The following FAM24B variants were observed in gnomAD, a reference collection of about 807,000 sequenced individuals.
FAM24B encodes protein FAM24B.
A neutral mutation model predicts 2.3 loss-of-function variants in FAM24B; 3 were observed. That is an observed-to-expected ratio of 1.29 (90% CI 0.59 to 3.32). The LOEUF is 3.32. Among genes scored for constraint, FAM24B ranks in the 30% most tolerant of loss-of-function variants. The pLI is 0.03. For synonymous variants in FAM24B, 36 were observed against 46.3 expected (o/e 0.78, Z 0.90); for missense variants, 98 against 117.2 (o/e 0.84, Z 0.76).
rs543316130 is a variant in FAM24B, at chr10:122,857,268, C to T, written c.-177-1482G>A. 4.6e-5 allele frequency among the ~76,000 whole-genome samples: 7 copies of T among 152,248 alleles called. No homozygotes were observed. In the East Asian group the frequency reaches 5.8e-4, roughly 13 times the overall value. The stretch of plus-strand genomic sequence containing the variant: ...CACAAGAGTGACATTCCATCATATT[C>T]GCTGGTCCAGCCTACCCTCTAGGGG... On this transcript the variant is annotated intron_variant, in intron 1 of 3. Coordinates refer to ENST00000368898, the MANE Select transcript of FAM24B (RefSeq NM_152644.3).
intron 2 of FAM24B, among the ~76,000 whole-genome samples, chr10:122,852,556 T>C (rs1847558898): frequency 3.3e-5 from 5 of 152,124 alleles, no homozygotes; most frequent in Admixed American, 3.3e-4. Flanking sequence ...CACTGCGAGA[T>C]AATAAAAGTC....
rs977884913 is a variant in FAM24B, at chr10:122,850,953, C to T, written c.-35-403G>A. ...TTTCAGAGTCAGAAATGACCCCCCA[C>T]TGGATATCAGGCTCAAAGCTCTTCT... On this transcript the variant is annotated intron_variant, in intron 2 of 3. Coordinates refer to ENST00000368898, the MANE Select transcript of FAM24B (RefSeq NM_152644.3). 2.0e-5 allele frequency among the ~76,000 whole-genome samples: 3 copies of T among 152,186 alleles called. No individual in the cohort carries two copies. In the East Asian group the frequency reaches 5.8e-4, roughly 29 times the overall value.
At chr10:122,875,377 T>C (rs1847961220) in intron 1 of FAM24B, among the ~76,000 whole-genome samples, 1 of 152,224 alleles carries the variant, frequency 6.6e-6, no homozygotes, top group Admixed American at 6.5e-5. Context: ...ATAGCTACCT[T>C]AAATTCCCTA....
intron 1 of FAM24B, among the ~76,000 whole-genome samples, chr10:122,859,673 T>G (rs1847697128): frequency 6.6e-6 from 1 of 152,128 alleles, no homozygotes; most frequent in Non-Finnish European, 1.5e-5. Context: ...CAGAGGCTTG[T>G]GTACAGGAGG....
At chr10:122,869,684 A>G (rs1566263633) in intron 1 of FAM24B, among the ~76,000 whole-genome samples, 1 of 152,198 alleles carries the variant, frequency 6.6e-6, no homozygotes. Flanking sequence ...CTGAATGACT[A>G]CTGGGTACAT....
chr10:122,871,467 C>A (rs933518250), intron 1 of FAM24B, among the ~76,000 whole-genome samples: 2 of 151,726 alleles, frequency 1.3e-5, no homozygotes, highest in African/African-American at 4.8e-5. Flanking sequence ...AAAAAAGAGC[C>A]CGCATCGCCA....
At chr10:122,853,133 T>C (rs1847571062) in intron 2 of FAM24B, among the ~76,000 whole-genome samples, 1 of 152,186 alleles carries the variant, frequency 6.6e-6, no homozygotes, top group Non-Finnish European at 1.5e-5. Context: ...GTTTTATATA[T>C]AATGTCCATG....
chr10:122,869,815 G>A (rs1443123812), intron 1 of FAM24B, among the ~76,000 whole-genome samples: 7 of 152,066 alleles, frequency 4.6e-5, no homozygotes, highest in Admixed American at 1.3e-4. Context: ...AGCACTAAAT[G>A]CCCACAAGAG....
At chr10:122,861,410 C>G (rs369028189) in intron 1 of FAM24B, among the ~76,000 whole-genome samples, 2 of 152,118 alleles carry the variant, frequency 1.3e-5, no homozygotes, top group South Asian at 4.1e-4. Context: ...AGTCCTTAAA[C>G]TTTGTTATTT....
At chr10:122,852,057 GA>G (rs940407325) in intron 2 of FAM24B, among the ~76,000 whole-genome samples, 3 of 150,754 alleles carry the variant, frequency 2.0e-5, no homozygotes, top group Non-Finnish European at 3.0e-5. Flanking sequence ...AATACAGAAA[GA>G]AAAAAAAATG....
intron 2 of FAM24B, among the ~76,000 whole-genome samples, chr10:122,853,860 C>T (rs1847589553): frequency 6.6e-6 from 1 of 152,162 alleles, no homozygotes; most frequent in African/African-American, 2.4e-5. Context: ...CCCTGTGGAC[C>T]CTCCCCATGG....
At chr10:122,863,773 T>G (rs1260196425) in intron 1 of FAM24B, among the ~76,000 whole-genome samples, 1 of 152,228 alleles carries the variant, frequency 6.6e-6, no homozygotes, top group African/African-American at 2.4e-5. Context: ...CTCCTGACTG[T>G]TTTTCCATTT....
intron 1 of FAM24B, among the ~76,000 whole-genome samples, chr10:122,870,475 C>G (rs1847876643): frequency 6.6e-6 from 1 of 152,124 alleles, no homozygotes; most frequent in East Asian, 1.9e-4. Flanking sequence ...CCGGCAGAGA[C>G]ACAACCAAAA....
At chr10:122,866,026 C>T (rs935031698) in intron 1 of FAM24B, among the ~76,000 whole-genome samples, 9 of 152,008 alleles carry the variant, frequency 5.9e-5, no homozygotes, top group Non-Finnish European at 1.3e-4. Context: ...CCCTAGCCTC[C>T]CGAGTAGCTG....
At chr10:122,874,209 T>A (rs1469015026) in intron 1 of FAM24B, among the ~76,000 whole-genome samples, 1 of 152,218 alleles carries the variant, frequency 6.6e-6, no homozygotes, top group Admixed American at 6.5e-5. Context: ...TGATCCAGGG[T>A]TGTTGAAGTC....
Position 122,851,408 on chromosome 10 carries a change from C to G in FAM24B, c.-35-858G>C, listed in dbSNP as rs189459645. Among the ~76,000 whole-genome samples the G allele has an allele frequency of 2.0e-5, 3 of 152,340 alleles. No individual in the cohort carries two copies. In the East Asian group the frequency reaches 5.8e-4, roughly 29 times the overall value. On this transcript the variant is annotated intron_variant, in intron 2 of 3. Coordinates refer to ENST00000368898, the MANE Select transcript of FAM24B (RefSeq NM_152644.3). ...CTTGCTTTTAGAAGCAGTCTTCCAG[C>G]AGAGCTAGCAGAATGGATATCCACA...
At chr10:122,873,182 G>A (rs1226149783) in intron 1 of FAM24B, among the ~76,000 whole-genome samples, 1 of 152,178 alleles carries the variant, frequency 6.6e-6, no homozygotes, top group Non-Finnish European at 1.5e-5. Flanking sequence ...GACTTGCACA[G>A]CTAGAGAGGT....
intron 1 of FAM24B, among the ~76,000 whole-genome samples, chr10:122,879,135 A>G (rs148332684): frequency 9.9e-5 from 15 of 152,254 alleles, no homozygotes; most frequent in Non-Finnish European, 1.9e-4. Context: ...ATCTTTCTCA[A>G]CCTTCTGATT....
intron 1 of FAM24B, among the ~76,000 whole-genome samples, chr10:122,856,035 C>G (rs1222403894): frequency 6.6e-6 from 1 of 152,218 alleles, no homozygotes; most frequent in African/African-American, 2.4e-5. Context: ...GGTAAAAAAG[C>G]CAAGAGTGTA....
Sources: allele counts gnomAD v4.1 joint callset (sites outside exome capture counted in the v4.1 genomes callset), GRCh38; gene constraint gnomAD v4.1.1; transcripts MANE v1.5; gene names NCBI Gene and HGNC (gene_info 2026-07-23, HGNC 2026-07-21).